The following INSC variants were observed in gnomAD, a reference collection of about 807,000 sequenced individuals.
INSC encodes the protein INSC spindle orientation adaptor protein, also known as protein inscuteable homolog.
Under a neutral mutation model 58.6 loss-of-function variants are expected in INSC, and 67 were observed. The ratio of observed to expected loss-of-function variants is 1.14; its 90% CI spans 0.94 to 1.40. The LOEUF (loss-of-function observed/expected upper bound fraction) is 1.40. INSC is among the 40% of genes most tolerant of loss of function. The pLI is 0.00. For synonymous variants in INSC, 262 were observed against 276.1 expected (o/e 0.95, Z 0.51); for missense variants, 714 against 692.0 (o/e 1.03, Z -0.36).
intron 1 of INSC, among the ~76,000 whole-genome samples, chr11:15,122,426 GAA>G (rs1285814966): frequency 6.6e-6 from 1 of 152,218 alleles, no homozygotes; most frequent in Non-Finnish European, 1.5e-5. Flanking sequence ...GGTGAATGCA[GAA>G]AGTGAGGGAG....
At chr11:15,229,744 AATG>A (rs1356629302) in intron 9 of INSC, among the ~76,000 whole-genome samples, 1 of 150,656 alleles carries the variant, frequency 6.6e-6, no homozygotes. Flanking sequence ...AAATATAGTT[AATG>A]TGGTGGCAAT....
chr11:15,227,640 A>G (rs1490636563), intron 9 of INSC, among the ~76,000 whole-genome samples: 1 of 152,214 alleles, frequency 6.6e-6, no homozygotes, highest in African/African-American at 2.4e-5. Flanking sequence ...GTAACAGATA[A>G]AGTGGTGACC....
intron 1 of INSC, among the ~76,000 whole-genome samples, chr11:15,132,194 CACTTTAAATAG>C (rs1848141335): frequency 6.6e-6 from 1 of 152,104 alleles, no homozygotes; most frequent in Admixed American, 6.6e-5. Context: ...AACCTTGGAG[CACTTTAAATAG>C]CTTTAGTCAT....
chr11:15,200,472 G>A (rs1003906961), intron 6 of INSC, among the ~76,000 whole-genome samples: 3 of 152,026 alleles, frequency 2.0e-5, no homozygotes. Context: ...CCTGCTCTAT[G>A]GGAGGCTGCT....
chr11:15,207,417 G>A (rs752729847), intron 7 of INSC, among the ~76,000 whole-genome samples: 6 of 152,174 alleles, frequency 3.9e-5, no homozygotes, highest in Non-Finnish European at 5.9e-5. Context: ...CGGGGAGGAC[G>A]GCTCAATTTC....
intron 7 of INSC, among the ~76,000 whole-genome samples, chr11:15,219,340 G>A (rs187633167): frequency 1.1e-4 from 17 of 152,288 alleles, no homozygotes; most frequent in African/African-American, 1.9e-4. Context: ...CAACTGAGGC[G>A]TGTTCATTAA....
At chr11:15,115,894 G>A (rs895487947) in intron 1 of INSC, among the ~76,000 whole-genome samples, 1 of 152,154 alleles carries the variant, frequency 6.6e-6, no homozygotes, top group Non-Finnish European at 1.5e-5. Flanking sequence ...TCCCTGGTGT[G>A]GCCCCACCCT....
At chr11:15,145,133 A>G (rs1034283244) in intron 1 of INSC, among the ~76,000 whole-genome samples, 2 of 152,216 alleles carry the variant, frequency 1.3e-5, no homozygotes, top group African/African-American at 4.8e-5. Flanking sequence ...TCCTTCCAAC[A>G]GGAAGGGTAC....
intron 8 of INSC, 140 bp downstream of exon 8, chr11:15,221,788 T>G: frequency 1.3e-6 from 1 of 765,864 alleles, no homozygotes; most frequent in Non-Finnish European, 2.0e-6. Flanking sequence ...TTTGCTGAAA[T>G]CCCACAATTA....
At chr11:15,170,940 C>G (rs1945596) in intron 2 of INSC, among the ~76,000 whole-genome samples, 78,801 of 152,154 alleles carry the variant, frequency 0.52, 21,259 homozygotes, top group East Asian at 0.93. Context: ...CTCCAATTCT[C>G]CTACTAGCAG....
chr11:15,219,445 C>T (rs895538635), intron 7 of INSC, among the ~76,000 whole-genome samples: 1 of 152,116 alleles, frequency 6.6e-6, no homozygotes, highest in Admixed American at 6.5e-5. Context: ...ACACTGTTCC[C>T]AGCACAAGGC....
At chr11:15,234,085 T>A (rs1852029271) in intron 9 of INSC, among the ~76,000 whole-genome samples, 1 of 152,230 alleles carries the variant, frequency 6.6e-6, no homozygotes, top group Non-Finnish European at 1.5e-5. Flanking sequence ...GTCCTATTAT[T>A]TTCTTAACTG....
In INSC at chr11:15,175,910, C is replaced by T; in HGVS notation, c.226C>T (p.Leu76=). ...GGPGPGDPLQ[L]LLKRGWVIST... ...CCCTGGCCCTGGAGACCCCCTGCAG[C>T]TGCTGCTCAAACGGGGTTGGGTCAT... The change falls in exon 3 of 13, where the codon CTG becomes TTG. Residue 76 remains leucine (L), a synonymous_variant. Coordinates refer to ENST00000379556, the MANE Select transcript of INSC (RefSeq NM_001042536.3). The T allele has an allele frequency of 6.2e-7, 1 of 1,614,206 alleles. No homozygotes were observed. The highest frequency in any genetic ancestry group is 8.5e-7 in the Non-Finnish European group (1 of 1,180,010).
chr11:15,165,005 G>A (rs1029598147), intron 2 of INSC, among the ~76,000 whole-genome samples: 2 of 152,072 alleles, frequency 1.3e-5, no homozygotes, highest in Admixed American at 1.3e-4. Context: ...AATTACCCAG[G>A]CTCAGATATG....
At chr11:15,131,374 T>C (rs1390559001) in intron 1 of INSC, among the ~76,000 whole-genome samples, 2 of 152,088 alleles carry the variant, frequency 1.3e-5, no homozygotes, top group Non-Finnish European at 2.9e-5. Flanking sequence ...CTGAAATTTG[T>C]TGAGGCTTGC....
chr11:15,170,969 A>C (rs1190202673), intron 2 of INSC, among the ~76,000 whole-genome samples: 2 of 152,236 alleles, frequency 1.3e-5, no homozygotes, highest in African/African-American at 4.8e-5. Flanking sequence ...ATCGATTAGG[A>C]GTTTAATTAC....
chr11:15,184,279 T>C (rs1251257487), intron 5 of INSC: 1 of 153,224 alleles, frequency 6.5e-6, no homozygotes, highest in Non-Finnish European at 1.5e-5. Context: ...TTATTTTAGG[T>C]CTAATTTATT....
At position 15,246,140 on chromosome 11, in the gene INSC, A is replaced by G; in HGVS notation, c.*100A>G. On this transcript the variant is annotated 3_prime_UTR_variant, in exon 13 of 13. Transcript: ENST00000379556. ...ACATACCAGCTCTCCTCATCTTCTT[A>G]TTTATACTTAACTTATTTTTGTGTG... 1 of 1,271,458 alleles carries G rather than the reference A, an allele frequency of 7.9e-7. No individual in the cohort carries two copies. Among genetic ancestry groups the G allele is most frequent in the Non-Finnish European group, 1.1e-6 (1 of 925,384 alleles). The allele number at this position is 1,271,458 out of a possible 1,614,324, so 78.8% of individuals were successfully genotyped here. A position where few individuals can be genotyped will look rare whatever the true frequency, so the allele number is the denominator to read the frequency against.
At chr11:15,130,051 G>T (rs1848090373) in intron 1 of INSC, among the ~76,000 whole-genome samples, 1 of 152,178 alleles carries the variant, frequency 6.6e-6, no homozygotes, top group African/African-American at 2.4e-5. Flanking sequence ...TGCAAATAAT[G>T]ACAGTTTTCT....
Sources: gnomAD v4.1 joint callset for allele counts (sites outside exome capture counted in the v4.1 genomes callset) on GRCh38, gnomAD v4.1.1 for gene constraint, MANE v1.5 for transcripts, NCBI Gene and HGNC (gene_info 2026-07-23, HGNC 2026-07-21) for gene names.